The following ADGB variants were observed in gnomAD, a reference collection of about 807,000 sequenced individuals.
ADGB encodes the protein calpain-7-like protein.
A neutral mutation model predicts 210.5 loss-of-function variants in ADGB; 172 were observed. That is an observed-to-expected ratio of 0.82 (90% CI 0.72 to 0.93). The LOEUF is 0.93. Ranked by LOEUF, ADGB falls within the 40% of genes least tolerant of loss-of-function variation. The probability of loss-of-function intolerance (pLI) is 0.00; values close to 1 mark genes in which losing one functional copy is unlikely to be tolerated. For missense variants in ADGB, 2,025 were observed against 1,964.8 expected (o/e 1.03, Z -0.58); for synonymous variants, 658 against 662.7 (o/e 0.99, Z 0.11).
At chr6:146,808,354 A>G (rs1025783365) in intron 35 of ADGB, among the ~76,000 whole-genome samples, 2 of 152,134 alleles carry the variant, frequency 1.3e-5, no homozygotes, top group African/African-American at 4.8e-5. Context: ...ATAGACCAAG[A>G]ACTACCCTGG....
chr6:146,813,841 A>C (rs769832963), intron 35 of ADGB, among the ~76,000 whole-genome samples: 5 of 152,212 alleles, frequency 3.3e-5, no homozygotes, highest in Non-Finnish European at 7.3e-5. Flanking sequence ...GACAGCTTTG[A>C]GTTCACTCCC....
chr6:146,658,133 G>A (rs1775810139), intron 5 of ADGB, among the ~76,000 whole-genome samples: 1 of 152,078 alleles, frequency 6.6e-6, no homozygotes, highest in South Asian at 2.1e-4. Context: ...GGCCAATAAT[G>A]AGAAATTGTT....
At chr6:146,623,320 T>C (rs2114845639) in intron 1 of ADGB, among the ~76,000 whole-genome samples, 1 of 152,098 alleles carries the variant, frequency 6.6e-6, no homozygotes, top group South Asian at 2.1e-4. Flanking sequence ...ATGTATATGG[T>C]CTATCTATTC....
At chr6:146,713,868 G>T (rs1243899593) in intron 13 of ADGB, among the ~76,000 whole-genome samples, 1 of 152,028 alleles carries the variant, frequency 6.6e-6, no homozygotes, top group African/African-American at 2.4e-5. Context: ...TCTTCTAGGA[G>T]TTTTGTAGTT....
At position 146,815,400 on chromosome 6, in the gene ADGB, A is replaced by C; in HGVS notation, c.*183A>C. 2.5e-6 allele frequency: 1 copy of C among 402,244 alleles called. No homozygotes were observed. The highest frequency in any genetic ancestry group is 4.3e-6 in the Non-Finnish European group (1 of 235,006). 24.9% of individuals were successfully genotyped at this position (402,244 alleles called of 1,614,324 possible). ...TAGTATTTGAAGCCATTTGAGTTTA[A>C]GATGCTCTAATTTCAATAAAATAGC... On this transcript the variant is annotated 3_prime_UTR_variant, in exon 36 of 36. Coordinates refer to ENST00000397944, the MANE Select transcript of ADGB (RefSeq NM_024694.4).
At chr6:146,669,868 C>T (rs1002295831) in intron 7 of ADGB, among the ~76,000 whole-genome samples, 10 of 152,086 alleles carry the variant, frequency 6.6e-5, no homozygotes, top group African/African-American at 2.4e-4. Flanking sequence ...CTCAGAATAT[C>T]CAGAAAGGAA....
At chr6:146,802,637 T>C (rs112121979) in intron 35 of ADGB, 1 of 671,642 alleles carries the variant, frequency 1.5e-6, no homozygotes, top group South Asian at 2.1e-5. Context: ...AAGCAGATTG[T>C]TGGGATTTCA....
intron 27 of ADGB, among the ~76,000 whole-genome samples, chr6:146,759,672 A>G (rs193211289): frequency 2.0e-5 from 3 of 151,798 alleles, no homozygotes; most frequent in Admixed American, 2.0e-4. Context: ...AATGTTTAGA[A>G]GTAGAACTAC....
At chr6:146,787,478 A>G (rs1777888992) in intron 32 of ADGB, among the ~76,000 whole-genome samples, 1 of 152,068 alleles carries the variant, frequency 6.6e-6, no homozygotes, top group South Asian at 2.1e-4. Flanking sequence ...TTTTATAAGA[A>G]ATTTGTCTAT....
At chr6:146,727,716 A>G (rs2114579385) in intron 19 of ADGB, among the ~76,000 whole-genome samples, 1 of 152,310 alleles carries the variant, frequency 6.6e-6, no homozygotes, top group East Asian at 1.9e-4. Context: ...AATTGATCCT[A>G]TCTAATATTT....
At chr6:146,673,134 A>G (rs907127160) in intron 8 of ADGB, among the ~76,000 whole-genome samples, 15 of 152,226 alleles carry the variant, frequency 9.9e-5, no homozygotes, top group Non-Finnish European at 2.2e-4. Context: ...AAAGAAAGTT[A>G]TACTTGGCAT....
At chr6:146,650,687 C>G (rs533419360) in intron 3 of ADGB, among the ~76,000 whole-genome samples, 1 of 147,888 alleles carries the variant, frequency 6.8e-6, no homozygotes, top group South Asian at 2.1e-4. Flanking sequence ...AGAGGAGAAG[C>G]CTGTTTTGCT....
rs1003451655 is a variant in ADGB, at chr6:146,667,033, T to C, written c.839+131T>C. 6.2e-5 allele frequency: 38 copies of C among 609,364 alleles called. No individual in the cohort carries two copies. The Admixed American group carries it at 1.1e-3, about 17-fold the overall frequency. The allele number at this position is 609,364 out of a possible 1,614,324, so 37.7% of individuals were successfully genotyped here. On this transcript the variant is annotated intron_variant, in intron 7 of 35. Transcript: ENST00000397944. Reference sequence around the variant, plus strand: ...CAAAATTTGGGGGAAAATATCGTTTTGTAGTATTATATAAAGTTCCTTGGG... The same window carrying C: ...CAAAATTTGGGGGAAAATATCGTTTCGTAGTATTATATAAAGTTCCTTGGG...
At chr6:146,599,680 C>T (rs1780523964) in intron 1 of ADGB, among the ~76,000 whole-genome samples, 1 of 152,154 alleles carries the variant, frequency 6.6e-6, no homozygotes, top group South Asian at 2.1e-4. Flanking sequence ...TAAACAGACC[C>T]TCGCTCATGG....
chr6:146,770,694 G>A (rs909120162), intron 29 of ADGB: 1 of 425,724 alleles, frequency 2.3e-6, no homozygotes, highest in Non-Finnish European at 5.1e-6. Context: ...AAAGTTTTGT[G>A]ATGTTTTATC....
intron 35 of ADGB, among the ~76,000 whole-genome samples, chr6:146,813,278 C>T (rs1224653640): frequency 1.3e-5 from 2 of 151,988 alleles, no homozygotes; most frequent in Non-Finnish European, 2.9e-5. Context: ...TCAGAGTGTT[C>T]TCTTACTTTA....
intron 1 of ADGB, among the ~76,000 whole-genome samples, chr6:146,603,457 C>A (rs552355034): frequency 6.6e-6 from 1 of 152,196 alleles, no homozygotes; most frequent in East Asian, 1.9e-4. Flanking sequence ...ATACTTGGAA[C>A]CTTAATGGGA....
intron 27 of ADGB, among the ~76,000 whole-genome samples, chr6:146,752,962 G>A (rs560038900): frequency 6.6e-6 from 1 of 151,864 alleles, no homozygotes; most frequent in African/African-American, 2.4e-5. Context: ...TTCTTAATAA[G>A]AAGTCAAATT....
intron 30 of ADGB, among the ~76,000 whole-genome samples, chr6:146,782,448 A>G (rs142897318): frequency 5.3e-4 from 81 of 152,280 alleles, no homozygotes; most frequent in African/African-American, 1.9e-3. Flanking sequence ...GATAAATATG[A>G]CTCAGTACTA....
Sources: gnomAD v4.1 joint callset for allele counts (sites outside exome capture counted in the v4.1 genomes callset) on GRCh38, gnomAD v4.1.1 for gene constraint, MANE v1.5 for transcripts, NCBI Gene and HGNC (gene_info 2026-07-23, HGNC 2026-07-21) for gene names.